RANBP2: variants seen among roughly 807,000 people sequenced by gnomAD.
RANBP2 encodes E3 SUMO-protein ligase RanBP2.
A neutral mutation model predicts 303.6 loss-of-function variants in RANBP2; 57 were observed. The observed-to-expected ratio is 0.19, with a 90% CI of 0.15 to 0.23. The LOEUF is 0.23. Among genes scored for constraint, RANBP2 ranks in the 10% least tolerant of loss-of-function variants. The pLI is 1.00. For synonymous variants in RANBP2, 1,167 were observed against 1,301.5 expected (o/e 0.90, Z 2.23); for missense variants, 3,138 against 3,780.8 (o/e 0.83, Z 4.46).
chr2:109,626,474 G>A, the RANBP2 span, among the ~76,000 whole-genome samples: 16 of 147,262 alleles, frequency 1.1e-4, no homozygotes, highest in South Asian at 2.2e-4. Context: ...ATCTCAAAAC[G>A]AAAAACAAAA....
chr2:109,702,603 G>A, the RANBP2 span, among the ~76,000 whole-genome samples: 3 of 152,146 alleles, frequency 2.0e-5, no homozygotes, highest in Non-Finnish European at 2.9e-5. Context: ...CACACAGTAA[G>A]ACATACCCTT....
chr2:109,305,718 A>G, the RANBP2 span, among the ~76,000 whole-genome samples: 2 of 152,220 alleles, frequency 1.3e-5, no homozygotes, highest in African/African-American at 2.4e-5. Flanking sequence ...GTGTGTGGCT[A>G]CAATGCGGGA....
At chr2:109,526,255 T>G in the RANBP2 span, among the ~76,000 whole-genome samples, 7,139 of 152,284 alleles carry the variant, frequency 0.047, 566 homozygotes, top group African/African-American at 0.16. Context: ...TGCCTGCTGT[T>G]GCCTGTGGCC....
chr2:109,437,202 A>C, the RANBP2 span: 91 of 1,542,760 alleles, frequency 5.9e-5, no homozygotes, highest in Non-Finnish European at 6.9e-5. Context: ...TTCCTGGGAC[A>C]TGCTTGTGAG....
At chr2:108,729,520 A>G (rs1389613589) in intron 2 of RANBP2, among the ~76,000 whole-genome samples, 5 of 152,246 alleles carry the variant, frequency 3.3e-5, no homozygotes, top group African/African-American at 4.8e-5. Context: ...TAGATATCTG[A>G]TACCTTAATC....
At chr2:109,208,953 C>T in the RANBP2 span, among the ~76,000 whole-genome samples, 1 of 152,204 alleles carries the variant, frequency 6.6e-6, no homozygotes, top group East Asian at 1.9e-4. Context: ...ACAGAGGTGT[C>T]TTTGGCCATG....
At chr2:108,855,787 T>C in the RANBP2 span, among the ~76,000 whole-genome samples, 1 of 152,208 alleles carries the variant, frequency 6.6e-6, no homozygotes, top group African/African-American at 2.4e-5. Flanking sequence ...ACTTATTATG[T>C]AAGCTGAAAC....
chr2:108,997,544 G>C, the RANBP2 span, among the ~76,000 whole-genome samples: 2 of 150,994 alleles, frequency 1.3e-5, no homozygotes, highest in African/African-American at 4.8e-5. Context: ...GATAGAAAGA[G>C]GCAGGATGGC....
At chr2:109,114,326 T>C in the RANBP2 span, among the ~76,000 whole-genome samples, 9 of 152,364 alleles carry the variant, frequency 5.9e-5, no homozygotes, top group Admixed American at 5.2e-4. Context: ...TATTGGTCTA[T>C]TCAGAGATTT....
chr2:109,410,404 C>T, the RANBP2 span, among the ~76,000 whole-genome samples: 5 of 152,206 alleles, frequency 3.3e-5, no homozygotes, highest in Non-Finnish European at 7.3e-5. Context: ...GCCCTGACCT[C>T]GGTGCGGAGG....
the RANBP2 span, among the ~76,000 whole-genome samples, chr2:109,010,108 A>G: frequency 4.1e-4 from 63 of 152,348 alleles, no homozygotes; most frequent in Admixed American, 1.6e-3. Context: ...ATATATTTAC[A>G]TAGTGGGCAT....
the RANBP2 span, among the ~76,000 whole-genome samples, chr2:109,262,520 T>G: frequency 2.6e-5 from 4 of 152,366 alleles, no homozygotes; most frequent in East Asian, 1.9e-4. Flanking sequence ...CCAGGCCCTT[T>G]CCTTGCGGCC....
chr2:109,518,783 T>A, the RANBP2 span, among the ~76,000 whole-genome samples: 1 of 152,152 alleles, frequency 6.6e-6, no homozygotes, highest in Middle Eastern at 3.4e-3. Context: ...GGCTCACAGT[T>A]CCACAGGCTG....
At chr2:108,761,774 C>T (rs1446257276) in intron 18 of RANBP2, among the ~76,000 whole-genome samples, 2 of 152,086 alleles carry the variant, frequency 1.3e-5, no homozygotes. Context: ...GACTGAATGT[C>T]CATAATTCCA....
chr2:109,057,414 C>T, the RANBP2 span, among the ~76,000 whole-genome samples: 1 of 152,202 alleles, frequency 6.6e-6, no homozygotes, highest in East Asian at 1.9e-4. Context: ...CAGCTCTGTC[C>T]TTGACTCTGA....
the RANBP2 span, chr2:109,543,925 T>G: frequency 1.9e-6 from 1 of 530,532 alleles, no homozygotes; most frequent in Non-Finnish European, 3.3e-6. Context: ...CACATCCACC[T>G]TATACATATA....
rs1474630744 is a variant in RANBP2, at chr2:108,725,882, G to T, written c.73-3250G>T. 2.6e-5 allele frequency among the ~76,000 whole-genome samples: 4 copies of T among 152,046 alleles called. No homozygotes were observed. The East Asian group carries it at 7.7e-4, about 29-fold the overall frequency. ...TGCTGGGATTGCAGGTGTTAGCCTG[G>T]CATTGAGCAACGTTTTGTAATTTAA... On this transcript the variant is annotated intron_variant, in intron 1 of 28. Transcript: ENST00000283195.
the RANBP2 span, among the ~76,000 whole-genome samples, chr2:109,373,817 A>T: frequency 0.019 from 2,922 of 152,280 alleles, 93 homozygotes; most frequent in African/African-American, 0.061. Context: ...GTAAGATCTT[A>T]CCAAGGCAGC....
the RANBP2 span, chr2:109,348,072 C>A: frequency 7.4e-7 from 1 of 1,345,574 alleles, no homozygotes; most frequent in Non-Finnish European, 9.9e-7. Flanking sequence ...TGGCTCCTCC[C>A]GGAACCCTGG....
Sources: gnomAD v4.1 joint callset for allele counts (sites outside exome capture counted in the v4.1 genomes callset) on GRCh38, gnomAD v4.1.1 for gene constraint, MANE v1.5 for transcripts, NCBI Gene and HGNC (gene_info 2026-07-23, HGNC 2026-07-21) for gene names.